Variants in DHX35 observed in about 807,000 individuals in gnomAD.
DHX35 encodes the protein DEAH-box helicase 35.
A neutral mutation model predicts 99.6 loss-of-function variants in DHX35; 84 were observed. The observed-to-expected ratio is 0.84, with a 90% CI of 0.71 to 1.01. The LOEUF (loss-of-function observed/expected upper bound fraction) is 1.01. Ranked by LOEUF, DHX35 falls within the 50% of genes least tolerant of loss-of-function variation. The probability of loss-of-function intolerance (pLI) is 0.00; values close to 1 mark genes in which losing one functional copy is unlikely to be tolerated. For synonymous variants in DHX35, 331 were observed against 316.2 expected, an observed-to-expected ratio of 1.05 and a Z score of -0.50; for missense variants, 852 against 888.5, an observed-to-expected ratio of 0.96 and a Z score of 0.52.
chr20:39,014,808 A>G, intron 13 of DHX35, 72 bp from the exon 14 acceptor site: 1 of 1,585,008 alleles, frequency 6.3e-7, no homozygotes, highest in South Asian at 1.1e-5. Context: ...TGGATTTGAA[A>G]AGGAAACAGC....
chr20:38,996,644 C>T (rs879367376), intron 8 of DHX35, among the ~76,000 whole-genome samples: 8 of 152,164 alleles, frequency 5.3e-5, no homozygotes, highest in Admixed American at 5.2e-4. Context: ...TGGCTCCTGG[C>T]TCCTAGTCTC....
intron 7 of DHX35, 58 bp from the exon 8 acceptor site, chr20:38,994,762 AT>A (rs2086400016): frequency 1.4e-6 from 2 of 1,418,188 alleles, no homozygotes; most frequent in Middle Eastern, 3.6e-4. Context: ...CAGATATCAA[AT>A]GATCTCATCC....
intron 3 of DHX35, among the ~76,000 whole-genome samples, chr20:38,981,266 C>T (rs1418485627): frequency 9.9e-5 from 15 of 152,134 alleles, no homozygotes; most frequent in African/African-American, 3.1e-4. Flanking sequence ...TAGTATCCCC[C>T]TCAGTGGATC....
intron 18 of DHX35, among the ~76,000 whole-genome samples, chr20:39,027,706 G>GA (rs763900872): frequency 2.0e-5 from 3 of 151,774 alleles, no homozygotes; most frequent in Admixed American, 2.0e-4. Context: ...TGTCACCAAA[G>GA]AAAAAAAATG....
At chr20:38,971,867 G>T (rs1365194735) in intron 2 of DHX35, among the ~76,000 whole-genome samples, 1 of 151,614 alleles carries the variant, frequency 6.6e-6, no homozygotes, top group Non-Finnish European at 1.5e-5. Flanking sequence ...CCAAACTTTT[G>T]TTGATCAACA....
intron 2 of DHX35, among the ~76,000 whole-genome samples, chr20:38,969,504 A>C (rs889100225): frequency 1.3e-5 from 2 of 151,956 alleles, no homozygotes; most frequent in African/African-American, 4.9e-5. Flanking sequence ...TCAGATATAC[A>C]GAAAAGTAGA....
chr20:39,004,497 A>G (rs1358962884), intron 11 of DHX35, among the ~76,000 whole-genome samples: 1 of 152,040 alleles, frequency 6.6e-6, no homozygotes, highest in African/African-American at 2.4e-5. Context: ...GGCTTAAGGG[A>G]TTGTTTAGGG....
chr20:39,010,457 G>C, intron 13 of DHX35, 53 bp downstream of exon 13: 1 of 1,604,896 alleles, frequency 6.2e-7, no homozygotes, highest in Non-Finnish European at 8.5e-7. Flanking sequence ...GCTCACAGGG[G>C]GATGTCAGGA....
At chr20:38,965,829 C>T (rs1216028938) in intron 1 of DHX35, among the ~76,000 whole-genome samples, 1 of 152,146 alleles carries the variant, frequency 6.6e-6, no homozygotes, top group Non-Finnish European at 1.5e-5. Context: ...TTTGCAAGTA[C>T]ACGTGGATCC....
rs772808687 is a variant in DHX35 at position 39,023,697 on chromosome 20, T to C, written c.1601T>C (p.Val534Ala). The C allele has an allele frequency of 3.1e-6, 5 of 1,614,008 alleles. No individual in the cohort carries two copies. The highest frequency in any genetic ancestry group is 1.6e-4 in the Middle Eastern group (1 of 6,062). The change falls in exon 17 of 22, where the codon GTG (valine) becomes GCG (alanine). Residue 534 changes from valine (V) to alanine (A), a missense_variant. Physicochemically the swap from Val to Ala is moderately conservative, Grantham distance 64. Coordinates refer to ENST00000252011, the MANE Select transcript of DHX35 (RefSeq NM_021931.4). Reference sequence around the variant, plus strand: ...TTGCTTCATTCTTTCCAGATTCGAGTGCACCGTAAATTTGCTGTGGAGGAG... The same window carrying C: ...TTGCTTCATTCTTTCCAGATTCGAGCGCACCGTAAATTTGCTGTGGAGGAG... ...PPNQKSHAIR[V>A]HRKFAVEEGD...
intron 12 of DHX35, among the ~76,000 whole-genome samples, chr20:39,008,673 C>T (rs1040251693): frequency 2.0e-5 from 3 of 152,236 alleles, no homozygotes; most frequent in Non-Finnish European, 4.4e-5. Flanking sequence ...TCCACATTTT[C>T]TCAAACCATC....
intron 5 of DHX35, among the ~76,000 whole-genome samples, 180 bp downstream of exon 5, chr20:38,989,097 C>CTT (rs375064892): frequency 0.016 from 1,947 of 125,276 alleles, 42 homozygotes; most frequent in Middle Eastern, 0.044. Context: ...TTCCTTTTTT[C>CTT]TTTTTTTTTT....
At chr20:38,978,937 A>G (rs1218962013) in intron 3 of DHX35, among the ~76,000 whole-genome samples, 3 of 152,158 alleles carry the variant, frequency 2.0e-5, no homozygotes, top group Non-Finnish European at 4.4e-5. Flanking sequence ...AGCACCATTT[A>G]TTAAATAGAT....
rs151326751 is a variant in DHX35 at position 38,970,649 on chromosome 20, G to C, written c.174+1435G>C. 4.6e-5 allele frequency among the ~76,000 whole-genome samples: 7 copies of C among 152,280 alleles called. No homozygotes were observed. In the South Asian group the frequency reaches 1.4e-3, roughly 32 times the overall value. On this transcript the variant is annotated intron_variant, in intron 2 of 21. Coordinates refer to ENST00000252011, the MANE Select transcript of DHX35 (RefSeq NM_021931.4). ...TTATCTGTGATGTAGGACTACAGGA[G>C]CACCTACCTCATAGGACTGTTATGA...
intron 11 of DHX35, 141 bp from the exon 12 acceptor site, chr20:39,006,005 C>T: frequency 1.0e-6 from 1 of 968,994 alleles, no homozygotes; most frequent in South Asian, 1.6e-5. Flanking sequence ...GACTTGGAAA[C>T]TCACAGTCTT....
chr20:39,006,373 C>A lies in DHX35; in HGVS notation c.1222+17C>A. On this transcript the variant is annotated intron_variant, in intron 12 of 21. Coordinates refer to ENST00000252011, the MANE Select transcript of DHX35 (RefSeq NM_021931.4). ...TTTATACAGGTTAGTGTGGCTTTCC[C>A]TAAGGGTTTTTGACTTTCTTATAGT... is the stretch of plus-strand genomic sequence containing the variant. 6.2e-7 allele frequency: 1 copy of A among 1,609,694 alleles called. No homozygotes were observed. Among genetic ancestry groups the A allele is most frequent in the South Asian group, 1.1e-5 (1 of 90,984 alleles).
chr20:38,971,340 G>A (rs928502573), intron 2 of DHX35, among the ~76,000 whole-genome samples: 2 of 152,188 alleles, frequency 1.3e-5, no homozygotes, highest in African/African-American at 2.4e-5. Context: ...GCAACAGAGC[G>A]AGACTCCATC....
intron 17 of DHX35, among the ~76,000 whole-genome samples, chr20:39,024,175 G>A (rs1383447820): frequency 6.6e-6 from 1 of 152,232 alleles, no homozygotes; most frequent in Non-Finnish European, 1.5e-5. Flanking sequence ...TGTCCCAGCT[G>A]CCATGAGAAG....
chr20:38,966,467 C>T (rs186035842), intron 1 of DHX35, among the ~76,000 whole-genome samples: 6 of 152,320 alleles, frequency 3.9e-5, no homozygotes, highest in African/African-American at 1.4e-4. Context: ...GTCAGAAGTT[C>T]GACACCAGCC....
Sources: allele counts gnomAD v4.1 joint callset (sites outside exome capture counted in the v4.1 genomes callset), GRCh38; gene constraint gnomAD v4.1.1; transcripts MANE v1.5; gene names NCBI Gene and HGNC (gene_info 2026-07-23, HGNC 2026-07-21).